Variants in JAK1 observed in about 807,000 individuals in gnomAD.
JAK1 encodes the protein tyrosine-protein kinase JAK1.
JAK1 carries 16 observed loss-of-function variants against 136.6 expected under a neutral mutation model. That is an observed-to-expected ratio of 0.12 (90% confidence interval 0.08 to 0.18). JAK1 has a LOEUF of 0.18. Among genes scored for constraint, JAK1 ranks in the 10% least tolerant of loss-of-function variants. JAK1 has a pLI of 1.00. For missense variants in JAK1, 859 were observed against 1,450.1 expected, an observed-to-expected ratio of 0.59 and a Z score of 6.62; for synonymous variants, 492 against 519.5, an observed-to-expected ratio of 0.95 and a Z score of 0.72.
chr1:65,016,852 C>G (rs1019367082), intron 2 of JAK1, among the ~76,000 whole-genome samples: 13 of 151,218 alleles, frequency 8.6e-5, no homozygotes, highest in Admixed American at 2.0e-4. Context: ...GAGCCGAGAT[C>G]GCGCCACTGC....
intron 17 of JAK1, among the ~76,000 whole-genome samples, chr1:64,842,403 T>C (rs1654961570): frequency 1.3e-5 from 2 of 151,966 alleles, no homozygotes; most frequent in South Asian, 4.1e-4. Flanking sequence ...CAGTTTCTAC[T>C]TCATAGCTGG....
chr1:64,973,457 C>A (rs1225369216), intron 2 of JAK1, among the ~76,000 whole-genome samples: 2 of 151,632 alleles, frequency 1.3e-5, no homozygotes, highest in Admixed American at 6.6e-5. Context: ...ATATTTTATA[C>A]AGCTAAATAT....
intron 2 of JAK1, among the ~76,000 whole-genome samples, chr1:65,008,136 T>C (rs1359678639): frequency 1.3e-5 from 2 of 152,098 alleles, no homozygotes. Flanking sequence ...CCAATTGGGA[T>C]TAGGGTAGAA....
At chr1:65,010,011 T>C (rs1395078767) in intron 2 of JAK1, among the ~76,000 whole-genome samples, 2 of 152,230 alleles carry the variant, frequency 1.3e-5, no homozygotes, top group African/African-American at 4.8e-5. Context: ...GACTTTCGAC[T>C]CCATCATGCA....
At chr1:65,001,687 G>C (rs1259542761) in intron 2 of JAK1, among the ~76,000 whole-genome samples, 1 of 147,484 alleles carries the variant, frequency 6.8e-6, no homozygotes, top group African/African-American at 2.5e-5. Context: ...GTGGGGGGGG[G>C]GGTATGTGTG....
intron 1 of JAK1, among the ~76,000 whole-genome samples, chr1:64,963,092 A>C (rs1237090127): frequency 6.6e-6 from 1 of 152,134 alleles, no homozygotes; most frequent in Non-Finnish European, 1.5e-5. Context: ...AATAATAATA[A>C]AAACAATGAA....
intron 1 of JAK1, among the ~76,000 whole-genome samples, chr1:64,891,448 T>C (rs1644935042): frequency 6.6e-6 from 1 of 152,230 alleles, no homozygotes; most frequent in African/African-American, 2.4e-5. Flanking sequence ...AGGACTGTCA[T>C]TTAAAAAATC....
intron 13 of JAK1, chr1:64,847,030 C>T (rs1363448670): frequency 2.0e-6 from 1 of 499,532 alleles, no homozygotes; most frequent in East Asian, 3.2e-5. Context: ...GCCCACCTCT[C>T]TCTCTTCCTT....
At position 64,834,081 on chromosome 1, in the gene JAK1, T is replaced by C. The variant is rs1654314814; in HGVS notation, c.*481A>G. Reference sequence around the variant, plus strand: ...AATATTTTAAGAATGCATGGTCTAGTACTGTATAGATACTGAAATTTGAGG... The same window carrying C: ...AATATTTTAAGAATGCATGGTCTAGCACTGTATAGATACTGAAATTTGAGG... On this transcript the variant is annotated 3_prime_UTR_variant, in exon 25 of 25. Transcript: ENST00000342505. The C allele has an allele frequency of 4.1e-6, 1 of 242,692 alleles. No homozygotes were observed. Among genetic ancestry groups the C allele is most frequent in the South Asian group, 1.5e-4 (1 of 6,728 alleles). The allele number at this position is 242,692 out of a possible 1,614,324, so 15.0% of individuals were successfully genotyped here.
At chr1:64,877,703 C>A (rs1644694882) in intron 4 of JAK1, among the ~76,000 whole-genome samples, 1 of 152,134 alleles carries the variant, frequency 6.6e-6, no homozygotes, top group Admixed American at 6.5e-5. Flanking sequence ...GAGCTGAGTA[C>A]AGAAACCTAG....
chr1:65,021,463 A>G (rs902488344), intron 2 of JAK1, among the ~76,000 whole-genome samples: 9 of 152,138 alleles, frequency 5.9e-5, no homozygotes, highest in Non-Finnish European at 8.8e-5. Context: ...CTTGTCCCAT[A>G]GTAAAGATGC....
At chr1:65,026,965 A>AT (rs936496621) in intron 2 of JAK1, among the ~76,000 whole-genome samples, 5 of 151,624 alleles carry the variant, frequency 3.3e-5, no homozygotes, top group South Asian at 2.1e-4. Context: ...AATAAAAACC[A>AT]TTTTTTTTAA....
chr1:64,988,882 C>T (rs1557745282), intron 2 of JAK1, among the ~76,000 whole-genome samples: 1 of 149,308 alleles, frequency 6.7e-6, no homozygotes, highest in African/African-American at 2.5e-5. Context: ...GAGTGAGCCC[C>T]TAACTAAAAT....
chr1:64,862,104 G>C (rs992369430), intron 8 of JAK1, among the ~76,000 whole-genome samples: 1 of 152,192 alleles, frequency 6.6e-6, no homozygotes, highest in African/African-American at 2.4e-5. Context: ...TAAAGGGCTT[G>C]GGAATCCCAT....
At chr1:64,835,959 A>G (rs554621788) in intron 23 of JAK1, 139 bp downstream of exon 23, 1 of 643,912 alleles carries the variant, frequency 1.6e-6, no homozygotes, top group Admixed American at 2.7e-5. Flanking sequence ...CAAGTAGCAA[A>G]CCAAGTTAAT....
intron 2 of JAK1, among the ~76,000 whole-genome samples, chr1:65,041,665 T>C (rs1647134598): frequency 6.6e-6 from 1 of 152,172 alleles, no homozygotes; most frequent in Admixed American, 6.5e-5. Flanking sequence ...TACTGTCTCC[T>C]TTCAGAAACA....
In JAK1 at chr1:65,046,504, T is replaced by C. The variant is rs74080265; in HGVS notation, c.-180-1922A>G. On this transcript the variant is annotated intron_variant, in intron 1 of 25. Transcript: ENST00000671954. ...TTAAAGGGGAGGACTCAGACCAACG[T>C]TTGGAAGTTACCTGGAGATAAAATT... 3.8e-5 allele frequency among the ~76,000 whole-genome samples: 5 copies of C among 132,982 alleles called. No individual in the cohort carries two copies. The South Asian group carries it at 1.3e-3, about 35-fold the overall frequency. The allele number at this position is 132,982 out of a possible 152,430, so 87.2% of individuals were successfully genotyped here.
chr1:64,963,543 T>C (rs1646320881), intron 1 of JAK1, among the ~76,000 whole-genome samples: 1 of 152,178 alleles, frequency 6.6e-6, no homozygotes. Flanking sequence ...TTACTCAACA[T>C]ATTGCCTTAA....
chr1:64,924,855 G>C (rs917884787), intron 1 of JAK1, among the ~76,000 whole-genome samples: 2 of 152,152 alleles, frequency 1.3e-5, no homozygotes, highest in African/African-American at 2.4e-5. Flanking sequence ...GGGCTGAACA[G>C]GCAAAGCACA....
Sources: allele counts gnomAD v4.1 joint callset (sites outside exome capture counted in the v4.1 genomes callset), GRCh38; gene constraint gnomAD v4.1.1; transcripts MANE v1.5; gene names NCBI Gene and HGNC (gene_info 2026-07-23, HGNC 2026-07-21).